Variants in PPP1R13B observed in about 807,000 individuals in gnomAD.
PPP1R13B encodes apoptosis-stimulating of p53 protein 1.
Under a neutral mutation model 119.8 loss-of-function variants are expected in PPP1R13B, and 44 were observed. The observed-to-expected ratio is 0.37, with a 90% confidence interval of 0.29 to 0.47. The LOEUF (loss-of-function observed/expected upper bound fraction) is 0.47. Ranked by LOEUF, PPP1R13B falls within the 20% of genes least tolerant of loss-of-function variation. PPP1R13B has a pLI of 0.99. For synonymous variants in PPP1R13B, 542 were observed against 561.5 expected (o/e 0.97, Z 0.49); for missense variants, 1,227 against 1,413.5 (o/e 0.87, Z 2.12).
At chr14:103,750,893 C>T (rs745330337) in intron 7 of PPP1R13B, among the ~76,000 whole-genome samples, 2 of 151,834 alleles carry the variant, frequency 1.3e-5, no homozygotes, top group East Asian at 3.9e-4. Flanking sequence ...CAGTGGCTCA[C>T]GCCTATAATC....
Position 103,738,774 on chromosome 14 carries a change from G to A in PPP1R13B, c.2769C>T (p.Thr923=), listed in dbSNP as rs1447998001. The A allele has an allele frequency of 6.8e-6, 11 of 1,614,214 alleles. No homozygotes were observed. The highest frequency in any genetic ancestry group is 8.5e-6 in the Non-Finnish European group (10 of 1,180,042). The change falls in exon 14 of 17, where the codon ACC becomes ACT. Residue 923 remains threonine, a synonymous_variant. Coordinates refer to ENST00000202556, the MANE Select transcript of PPP1R13B (RefSeq NM_015316.3). This position sits in a 1 kb window ranked among gnomAD's most constrained non-coding sequence, Gnocchi z 5.6. ...CGGCGCAGACGGCGTTGTGCAGTGG[G>A]GTGATCCCTTCGTCGTTGGGCTTGC... The part of the protein sequence containing the change: ...DPSKPNDEGI[T]PLHNAVCAGH...
chr14:103,811,624 G>A (rs533202344), intron 1 of PPP1R13B, among the ~76,000 whole-genome samples: 2 of 151,802 alleles, frequency 1.3e-5, no homozygotes, highest in Admixed American at 6.6e-5. Context: ...GAAGGTCGAG[G>A]CTGCAGTGAG....
At position 103,742,787 on chromosome 14, in the gene PPP1R13B, G is replaced by A; in HGVS notation, c.1187C>T (p.Ser396Phe). The A allele has an allele frequency of 6.2e-7, 1 of 1,614,140 alleles. No homozygotes were observed. The highest frequency in any genetic ancestry group is 8.5e-7 in the Non-Finnish European group (1 of 1,180,030). The change falls in exon 10 of 17, where the codon TCT becomes TTT. Residue 396 changes from serine (S) to phenylalanine (F), a missense_variant. By Grantham distance (155) the Ser-to-Phe change is radical. Transcript: ENST00000202556. This position sits in a 1 kb window ranked among gnomAD's most constrained non-coding sequence, Gnocchi z 4.9. ...DGNWPTLKQNSSSSVKPVQVA... is the reference protein window; with the variant it reads ...DGNWPTLKQNFSSSVKPVQVA... ...CTGCACTGGTTTCACGGAAGAGCTA[G>A]AATTCTGTTTTAATGTTGGCCAGTT... is the stretch of plus-strand genomic sequence containing the variant.
intron 2 of PPP1R13B, among the ~76,000 whole-genome samples, chr14:103,785,850 A>T (rs2085450565): frequency 6.6e-6 from 1 of 151,960 alleles, no homozygotes; most frequent in African/African-American, 2.4e-5. Flanking sequence ...TAAATTGACC[A>T]GGCCATGTTA....
intron 1 of PPP1R13B, among the ~76,000 whole-genome samples, chr14:103,804,834 T>C (rs371157184): frequency 6.6e-6 from 1 of 152,084 alleles, no homozygotes; most frequent in Non-Finnish European, 1.5e-5. Flanking sequence ...CCTTCATATA[T>C]TGGTGATGAA....
At position 103,817,265 on chromosome 14, in the gene PPP1R13B, G is replaced by T. The variant is rs185550975; in HGVS notation, c.10-19747C>A. ...ACCGTTGTTACTGCACAGTGACATG[G>T]TGGATAAAGTTTCACCTAATTAGGT... On this transcript the variant is annotated intron_variant, in intron 1 of 16. Coordinates refer to ENST00000202556, the MANE Select transcript of PPP1R13B (RefSeq NM_015316.3). 4.1e-3 allele frequency among the ~76,000 whole-genome samples: 624 copies of T among 152,218 alleles called. 3 individuals are homozygous for T. The highest frequency in any genetic ancestry group is 0.01 in the Middle Eastern group (3 of 294).
intron 4 of PPP1R13B, among the ~76,000 whole-genome samples, chr14:103,758,467 C>T (rs1198122269): frequency 6.6e-6 from 1 of 152,232 alleles, no homozygotes. Context: ...CGAGGCAAAG[C>T]AGAGACACAG....
chr14:103,824,694 C>CA (rs34447941), intron 1 of PPP1R13B, among the ~76,000 whole-genome samples: 5,571 of 119,634 alleles, frequency 0.047, 303 homozygotes, highest in African/African-American at 0.14. Context: ...GACTCCGCCT[C>CA]AAAAAAAAAA....
chr14:103,824,967 G>A (rs966285186), intron 1 of PPP1R13B, among the ~76,000 whole-genome samples: 4 of 151,992 alleles, frequency 2.6e-5, no homozygotes, highest in African/African-American at 9.7e-5. Context: ...ACAAATTGAC[G>A]GGCTGTGGCA....
intron 5 of PPP1R13B, among the ~76,000 whole-genome samples, chr14:103,755,591 T>G (rs1046392293): frequency 6.6e-6 from 1 of 152,098 alleles, no homozygotes; most frequent in Non-Finnish European, 1.5e-5. Context: ...TAGGGAGAGG[T>G]TTAAGGTGTG....
intron 1 of PPP1R13B, among the ~76,000 whole-genome samples, chr14:103,802,956 T>C (rs2085935743): frequency 6.6e-6 from 1 of 152,354 alleles, no homozygotes; most frequent in East Asian, 1.9e-4. Context: ...TTATTCAAGC[T>C]AATTTCATTA....
chr14:103,792,591 CCT>C (rs1182733798), intron 2 of PPP1R13B, among the ~76,000 whole-genome samples: 2 of 151,942 alleles, frequency 1.3e-5, no homozygotes, highest in African/African-American at 4.8e-5. Flanking sequence ...ATGACAAGAC[CCT>C]GTCTCTACAA....
At chr14:103,776,822 A>G (rs182474410) in intron 4 of PPP1R13B, among the ~76,000 whole-genome samples, 1 of 151,516 alleles carries the variant, frequency 6.6e-6, no homozygotes, top group East Asian at 2.0e-4. Context: ...CAGTGAGCCC[A>G]GATCAGGCCA....
chr14:103,761,142 C>T (rs1357879139), intron 4 of PPP1R13B, among the ~76,000 whole-genome samples: 2 of 151,756 alleles, frequency 1.3e-5, no homozygotes, highest in South Asian at 2.1e-4. Flanking sequence ...GGAATGGTAG[C>T]GGGCACCTGT....
chr14:103,733,199 T>C lies in PPP1R13B; in HGVS notation c.*1955A>G. ...TCTAGTGCAATATGTTCACAGTTTA[T>C]TAATGCTTTAAACAGCTTCATGTTT... On this transcript the variant is annotated 3_prime_UTR_variant, in exon 17 of 17. Coordinates refer to ENST00000202556, the MANE Select transcript of PPP1R13B (RefSeq NM_015316.3). The C allele has an allele frequency of 1.4e-6, 1 of 731,646 alleles. No homozygotes were observed. Among genetic ancestry groups the C allele is most frequent in the Non-Finnish European group, 2.2e-6 (1 of 449,366 alleles). 45.3% of individuals were successfully genotyped at this position (731,646 alleles called of 1,614,324 possible).
intron 4 of PPP1R13B, among the ~76,000 whole-genome samples, chr14:103,770,298 G>A (rs552895841): frequency 1.3e-5 from 2 of 152,216 alleles, no homozygotes; most frequent in Admixed American, 6.5e-5. Flanking sequence ...AGGATCACTC[G>A]AGCTCAGGAG....
At chr14:103,800,023 G>A (rs2085860964) in intron 1 of PPP1R13B, among the ~76,000 whole-genome samples, 1 of 152,032 alleles carries the variant, frequency 6.6e-6, no homozygotes, top group African/African-American at 2.4e-5. Flanking sequence ...CTGCACTCCA[G>A]CCTGGGTGAC....
rs531035904 is a variant in PPP1R13B at position 103,753,298 on chromosome 14, C to T, written c.632-102G>A. The T allele has an allele frequency of 2.0e-5, 24 of 1,218,884 alleles. No individual in the cohort carries two copies. The South Asian group carries it at 3.6e-4, about 18-fold the overall frequency. The allele number at this position is 1,218,884 out of a possible 1,614,324, so 75.5% of individuals were successfully genotyped here. A position where few individuals can be genotyped will look rare whatever the true frequency, so the allele number is the denominator to read the frequency against. On this transcript the variant is annotated intron_variant, in intron 6 of 16. Coordinates refer to ENST00000202556, the MANE Select transcript of PPP1R13B (RefSeq NM_015316.3). ...AATTCTAGTATCATTTAGTGCCAGA[C>T]CGTGGAGAAAGCTGTGATATGCAGA...
intron 1 of PPP1R13B, chr14:103,846,886 G>A: frequency 1.5e-6 from 1 of 659,964 alleles, no homozygotes; most frequent in Non-Finnish European, 2.4e-6. Flanking sequence ...CCTGCAGAGT[G>A]TGGGAACTCC....
Sources: allele counts gnomAD v4.1 joint callset (sites outside exome capture counted in the v4.1 genomes callset), GRCh38; gene constraint gnomAD v4.1.1; non-coding constraint Gnocchi (gnomAD v3.1); transcripts MANE v1.5; gene names NCBI Gene and HGNC (gene_info 2026-07-23, HGNC 2026-07-21).